Variants in FAM53B observed in about 807,000 individuals in gnomAD.
The protein encoded by FAM53B is protein FAM53B.
Under a neutral mutation model 32.7 loss-of-function variants are expected in FAM53B, and 12 were observed. That is an observed-to-expected ratio of 0.37 (90% confidence interval 0.24 to 0.59). The LOEUF is 0.59. FAM53B is among the 20% of genes least tolerant of loss of function. The pLI is 0.72. For missense variants in FAM53B, 477 were observed against 577.7 expected (o/e 0.83, Z 1.79); for synonymous variants, 234 against 228.7 (o/e 1.02, Z -0.21).
intron 1 of FAM53B, among the ~76,000 whole-genome samples, chr10:124,717,549 C>A (rs544421260): frequency 4.7e-4 from 71 of 152,370 alleles, no homozygotes; most frequent in African/African-American, 1.7e-3. Flanking sequence ...CATCAAAGTG[C>A]CCTGGCTATG....
chr10:124,686,064 C>T (rs562744512), intron 3 of FAM53B, among the ~76,000 whole-genome samples: 1 of 152,332 alleles, frequency 6.6e-6, no homozygotes, highest in Admixed American at 6.5e-5. Flanking sequence ...AGAGTCAAAA[C>T]CATCCTTGAA....
chr10:124,650,304 C>T (rs1431998915), intron 4 of FAM53B, among the ~76,000 whole-genome samples: 1 of 152,194 alleles, frequency 6.6e-6, no homozygotes, highest in Non-Finnish European at 1.5e-5. Flanking sequence ...GGACAGGTGT[C>T]GTCTACCCTG....
chr10:124,623,547 G>A lies in FAM53B; in HGVS notation c.964C>T (p.Pro322Ser). Residue 322 changes from proline to serine, a missense_variant, in exon 5 of 5, where the codon CCC becomes TCC. Pro to Ser is a moderately conservative substitution (Grantham distance 74, BLOSUM62 -1). This residue lies in a region of FAM53B where 165 missense variants were observed against 157.5 expected (regional missense o/e 1.05). Coordinates refer to ENST00000337318, the MANE Select transcript of FAM53B (RefSeq NM_014661.4). ...CLSAGTEDCG[P>S]QSPFARHVSN... ...ACGTGGCGGGCGAAGGGGCTCTGGG[G>A]ACCGCAGTCCTCTGTCCCTGCGCTC... 1 of 1,578,232 alleles carries A rather than the reference G, an allele frequency of 6.3e-7. No individual in the cohort carries two copies. Among genetic ancestry groups the A allele is most frequent in the Non-Finnish European group, 8.6e-7 (1 of 1,163,430 alleles).
intron 4 of FAM53B, among the ~76,000 whole-genome samples, chr10:124,626,185 C>T (rs985393259): frequency 3.9e-5 from 6 of 152,352 alleles, no homozygotes; most frequent in East Asian, 3.9e-4. Flanking sequence ...TCTGTGGCCT[C>T]GCACGTGAAC....
chr10:124,639,501 G>A (rs1342372116), intron 4 of FAM53B, among the ~76,000 whole-genome samples: 1 of 152,180 alleles, frequency 6.6e-6, no homozygotes. Flanking sequence ...TGTGCAGGCT[G>A]GATCAGAAGG....
rs57830542 is a variant in FAM53B, at chr10:124,661,056, TAAAA to T, written c.906+20547_906+20550del. ...CCTGTACCCCAAAAGCTACTGAAAT[TAAAA>T]AAAAAAAAAAAAAAAAACAGGCAAT... On this transcript the variant is annotated intron_variant, in intron 4 of 4. Transcript: ENST00000337318. 4.4e-3 allele frequency among the ~76,000 whole-genome samples: 574 copies of T among 130,490 alleles called. 3 individuals carry two copies. Among genetic ancestry groups the T allele is most frequent in the Non-Finnish European group, 4.6e-3 (291 of 63,576 alleles). 85.6% of individuals were successfully genotyped at this position (130,490 alleles called of 152,430 possible). A position where few individuals can be genotyped will look rare whatever the true frequency, so the allele number is the denominator to read the frequency against.
chr10:124,737,040 G>C (rs1160592823), intron 1 of FAM53B, among the ~76,000 whole-genome samples: 1 of 152,240 alleles, frequency 6.6e-6, no homozygotes, highest in Non-Finnish European at 1.5e-5. Flanking sequence ...TCTGCAGGCA[G>C]CATGTCTTCA....
At chr10:124,743,753 C>T (rs1564893869) in intron 1 of FAM53B, among the ~76,000 whole-genome samples, 1 of 152,194 alleles carries the variant, frequency 6.6e-6, no homozygotes, top group South Asian at 2.1e-4. Flanking sequence ...CTTCCCCATG[C>T]CTGTGCTCTG....
In FAM53B at chr10:124,651,096, G is replaced by A. The variant is rs1040902012; in HGVS notation, c.907-27492C>T. ...AAGCCAAAGCCACTGCAGCAAAGGT[G>A]GCAGCAAGGCAGGGCCAGCTGCACT... On this transcript the variant is annotated intron_variant, in intron 4 of 4. Transcript: ENST00000337318. The surrounding 1 kb of genome is among the most constrained non-coding windows in gnomAD (Gnocchi z 5.2). 1.3e-5 allele frequency among the ~76,000 whole-genome samples: 2 copies of A among 152,240 alleles called. No individual in the cohort carries two copies. The highest frequency in any genetic ancestry group is 4.1e-4 in the South Asian group (2 of 4,824).
rs888121585 is a variant in FAM53B, at chr10:124,621,395, T to C, written c.*1847A>G. On this transcript the variant is annotated 3_prime_UTR_variant, in exon 5 of 5. Transcript: ENST00000337318. Reference sequence around the variant, plus strand: ...TCTGTCTGCTCAGAGCCACCAGCTCTTGGGTTCGGCTGTCCGGGATCACAA... The same window carrying C: ...TCTGTCTGCTCAGAGCCACCAGCTCCTGGGTTCGGCTGTCCGGGATCACAA... 2.0e-5 allele frequency: 3 copies of C among 152,278 alleles called. No homozygotes were observed. The highest frequency in any genetic ancestry group is 7.2e-5 in the African/African-American group (3 of 41,478). 9.4% of individuals were successfully genotyped at this position (152,278 alleles called of 1,614,324 possible).
chr10:124,625,366 G>C (rs761787727), intron 4 of FAM53B, among the ~76,000 whole-genome samples: 24 of 152,204 alleles, frequency 1.6e-4, no homozygotes, highest in Non-Finnish European at 2.6e-4. Flanking sequence ...TCAGGAGAGT[G>C]GCAGGGGCAC....
intron 2 of FAM53B, among the ~76,000 whole-genome samples, chr10:124,696,515 C>T (rs1949872425): frequency 6.6e-6 from 1 of 152,118 alleles, no homozygotes; most frequent in Admixed American, 6.5e-5. Context: ...GGAGGCGGCC[C>T]GGGGGCAGGA....
At chr10:124,667,360 CCT>C in intron 4 of FAM53B, 1 of 751,692 alleles carries the variant, frequency 1.3e-6, no homozygotes, top group Non-Finnish European at 2.5e-6. Flanking sequence ...TGGACTGCTT[CCT>C]CTAAGACTCA....
chr10:124,654,881 A>G (rs1949578076), intron 4 of FAM53B, among the ~76,000 whole-genome samples: 1 of 152,210 alleles, frequency 6.6e-6, no homozygotes, highest in Admixed American at 6.5e-5. Flanking sequence ...AAGGAGCTCC[A>G]TGGGGGAAGT....
chr10:124,712,073 A>C (rs1363783645), intron 1 of FAM53B, among the ~76,000 whole-genome samples: 1 of 152,022 alleles, frequency 6.6e-6, no homozygotes, highest in Non-Finnish European at 1.5e-5. Flanking sequence ...GAAATAATTA[A>C]GCTGGGTGCA....
chr10:124,626,536 G>A (rs192044242), intron 4 of FAM53B, among the ~76,000 whole-genome samples: 1 of 152,280 alleles, frequency 6.6e-6, no homozygotes, highest in Non-Finnish European at 1.5e-5. Flanking sequence ...AAGGATGTGA[G>A]AAAGTGCCAA....
At chr10:124,705,629 C>T (rs1949951365) in intron 2 of FAM53B, 2 of 152,360 alleles carry the variant, frequency 1.3e-5, no homozygotes, top group African/African-American at 4.8e-5. Flanking sequence ...AGTACAGGGC[C>T]TGGCTCCAGC....
At chr10:124,658,892 C>A (rs766156253) in intron 4 of FAM53B, among the ~76,000 whole-genome samples, 1 of 152,242 alleles carries the variant, frequency 6.6e-6, no homozygotes, top group African/African-American at 2.4e-5. Context: ...CTGCGCTGCA[C>A]GGGCTCAGCA....
intron 1 of FAM53B, among the ~76,000 whole-genome samples, chr10:124,731,069 G>A (rs757786314): frequency 1.3e-5 from 2 of 152,162 alleles, no homozygotes; most frequent in Non-Finnish European, 2.9e-5. Context: ...GAGTTCAAAC[G>A]CCAGAACTAC....
Sources: gnomAD v4.1 joint callset for allele counts (sites outside exome capture counted in the v4.1 genomes callset) on GRCh38, gnomAD v4.1.1 for gene constraint, gnomAD v4.1.1 regional missense constraint, Gnocchi (gnomAD v3.1) non-coding constraint, MANE v1.5 for transcripts, NCBI Gene and HGNC (gene_info 2026-07-23, HGNC 2026-07-21) for gene names.